The following IFT140 variants were observed in gnomAD, a reference collection of about 807,000 sequenced individuals.
IFT140 encodes intraflagellar transport protein 140 homolog.
A neutral mutation model predicts 164.6 loss-of-function variants in IFT140; 133 were observed. That is an observed-to-expected ratio of 0.81 (90% confidence interval 0.70 to 0.93). IFT140 has a LOEUF of 0.93. Ranked by LOEUF, IFT140 falls within the 40% of genes least tolerant of loss-of-function variation. IFT140 has a pLI of 0.00. For missense variants in IFT140, 2,045 were observed against 1,972.3 expected (o/e 1.04, Z -0.70); for synonymous variants, 860 against 817.3 (o/e 1.05, Z -0.89).
At chr16:1,563,628 C>T (rs1315730118) in intron 17 of IFT140, among the ~76,000 whole-genome samples, 1 of 152,014 alleles carries the variant, frequency 6.6e-6, no homozygotes, top group African/African-American at 2.4e-5. Flanking sequence ...TTCTGCATAG[C>T]TCAAAACAGA....
At chr16:1,541,079 C>T (rs1322645275) in intron 19 of IFT140, 4 of 985,318 alleles carry the variant, frequency 4.1e-6, no homozygotes, top group African/African-American at 3.5e-5. Context: ...AACGCACCTC[C>T]CTCTGAAGTT....
rs114611454 is a variant in IFT140, at chr16:1,520,286, C to T, written c.3718G>A (p.Val1240Met). 63 of 1,614,224 alleles carry T rather than the reference C, an allele frequency of 3.9e-5. No homozygotes were observed. The African/African-American group carries it at 5.1e-4, about 13-fold the overall frequency. ...DTEKITFFAS[V>M]SRQKEIYIMA... Reference sequence around the variant, plus strand: ...ATGTAGATTTCCTTCTGCCTGGACACGCTCGCGAAGAACGTGATTTTCTCC... The same window carrying T: ...ATGTAGATTTCCTTCTGCCTGGACATGCTCGCGAAGAACGTGATTTTCTCC... The change falls in exon 28 of 31, where the codon GTG (valine) becomes ATG (methionine). Residue 1240 changes from valine (V) to methionine (M), a missense_variant. Physicochemically the swap from Val to Met is conservative, Grantham distance 21 (BLOSUM62 1). Coordinates refer to ENST00000426508, the MANE Select transcript of IFT140 (RefSeq NM_014714.4).
chr16:1,534,285 C>T, intron 19 of IFT140: 1 of 1,612,086 alleles, frequency 6.2e-7, no homozygotes, highest in Non-Finnish European at 8.5e-7. Context: ...GATGACCGTG[C>T]AGAGACTCGT....
In IFT140 at chr16:1,520,132, T is replaced by C. The variant is rs1430793082; in HGVS notation, c.3872A>G (p.Gln1291Arg). ...TGGCATGCCAGGGAGGGCCTGCACCTGGGCACAAGCGTCATAAAAGCCAGC... is the reference window on the plus strand; with the variant it reads ...TGGCATGCCAGGGAGGGCCTGCACCCGGGCACAAGCGTCATAAAAGCCAGC... Reference protein sequence around the residue: ...LLAGFYDACAQVEIDEYQNYD... With the variant: ...LLAGFYDACARVEIDEYQNYD... The change falls in exon 28 of 31, where the codon CAG (glutamine) becomes CGG (arginine). Residue 1291 changes from glutamine to arginine, a missense_variant and splice_region_variant. By Grantham distance (43) the Gln-to-Arg change is conservative. Coordinates refer to ENST00000426508, the MANE Select transcript of IFT140 (RefSeq NM_014714.4). The C allele has an allele frequency of 6.2e-7, 1 of 1,613,864 alleles. No individual in the cohort carries two copies. Among genetic ancestry groups the C allele is most frequent in the Middle Eastern group, 1.7e-4 (1 of 6,058 alleles).
intron 19 of IFT140, among the ~76,000 whole-genome samples, chr16:1,552,564 C>T (rs2032740946): frequency 6.6e-6 from 1 of 152,132 alleles, no homozygotes; most frequent in Non-Finnish European, 1.5e-5. Flanking sequence ...GCATCGATAC[C>T]ACACAATCGT....
At chr16:1,565,700 A>C (rs2033674501) in intron 16 of IFT140, among the ~76,000 whole-genome samples, 1 of 152,230 alleles carries the variant, frequency 6.6e-6, no homozygotes, top group Non-Finnish European at 1.5e-5. Context: ...TCAGCCATGA[A>C]CTGTGAGTGA....
rs763602684 is a variant in IFT140 at position 1,511,176 on chromosome 16, C to G, written c.4183-26G>C. 12 of 1,577,818 alleles carry G rather than the reference C, an allele frequency of 7.6e-6. No homozygotes were observed. The East Asian group carries it at 2.5e-4, about 33-fold the overall frequency. On this transcript the variant is annotated intron_variant, in intron 30 of 30. Transcript: ENST00000426508. ...CTGGGGCAGAGGAGCAGACATTACT[C>G]AGCTTTCCTGAACAACCAGGCACGA...
chr16:1,582,170 C>T (rs892653757), intron 12 of IFT140, among the ~76,000 whole-genome samples: 2 of 152,114 alleles, frequency 1.3e-5, no homozygotes, highest in Admixed American at 6.5e-5. Context: ...GATGCCAGGT[C>T]CTGCTCCCTG....
chr16:1,528,314 C>G (rs893416625), intron 19 of IFT140, among the ~76,000 whole-genome samples: 1 of 133,262 alleles, frequency 7.5e-6, no homozygotes, highest in Non-Finnish European at 1.6e-5. Flanking sequence ...CACACACACA[C>G]GCACGCATGC....
At chr16:1,528,429 A>C (rs1360431664) in intron 19 of IFT140, among the ~76,000 whole-genome samples, 1 of 111,796 alleles carries the variant, frequency 8.9e-6, no homozygotes, top group East Asian at 2.8e-4. Flanking sequence ...ATGCACACAC[A>C]GATGCACACA....
intron 15 of IFT140, among the ~76,000 whole-genome samples, chr16:1,566,676 G>T (rs183844173): frequency 1.3e-5 from 2 of 152,082 alleles, no homozygotes; most frequent in East Asian, 3.9e-4. Flanking sequence ...CTTCTGCCAT[G>T]GTCAAGTAGG....
At chr16:1,519,849 C>G (rs752465809) in intron 29 of IFT140, 32 bp downstream of exon 29, 1 of 1,513,114 alleles carries the variant, frequency 6.6e-7, no homozygotes, top group Non-Finnish European at 8.8e-7. Context: ...CACATCTGCC[C>G]TGGCCTGTCC....
chr16:1,554,980 G>C, intron 19 of IFT140: 1 of 1,613,724 alleles, frequency 6.2e-7, no homozygotes, highest in Non-Finnish European at 8.5e-7. Context: ...CTGACAGCGC[G>C]CTTTCGCCGT....
Position 1,607,011 on chromosome 16 carries a change from C to T in IFT140, c.147+109G>A, listed in dbSNP as rs7192480. 233,540 of 1,077,196 alleles carry T rather than the reference C, an allele frequency of 0.22. 27,643 individuals carry two copies. Among genetic ancestry groups the T allele is most frequent in the East Asian group, 0.39 (16,235 of 42,140 alleles). 66.7% of individuals were successfully genotyped at this position (1,077,196 alleles called of 1,614,324 possible). A position where few individuals can be genotyped will look rare whatever the true frequency, so the allele number is the denominator to read the frequency against. On this transcript the variant is annotated intron_variant, in intron 3 of 30. Coordinates refer to ENST00000426508, the MANE Select transcript of IFT140 (RefSeq NM_014714.4). ...ACACACAGATGCATGTATACACACACACACCCATAGGCACACACACACATG... is the reference window on the plus strand; with the variant it reads ...ACACACAGATGCATGTATACACACATACACCCATAGGCACACACACACATG...
At chr16:1,565,427 G>T (rs1036292972) in intron 16 of IFT140, among the ~76,000 whole-genome samples, 1 of 152,076 alleles carries the variant, frequency 6.6e-6, no homozygotes, top group Non-Finnish European at 1.5e-5. Flanking sequence ...ATCTGAGGCG[G>T]AAGGTGTGTG....
chr16:1,534,034 G>A lies in IFT140; in HGVS notation c.2400-7238C>T, dbSNP rs2030791010. On this transcript the variant is annotated intron_variant, in intron 19 of 30. Coordinates refer to ENST00000426508, the MANE Select transcript of IFT140 (RefSeq NM_014714.4). ...GCTGCTGCCCACCCTCTGCTCCCTG[G>A]GATGGGCCCCGAGGCGAGCAGCTTC... 23 of 532,420 alleles carry A rather than the reference G, an allele frequency of 4.3e-5. No homozygotes were observed. The South Asian group carries it at 5.7e-4, about 13-fold the overall frequency. The allele number at this position is 532,420 out of a possible 1,614,324, so 33.0% of individuals were successfully genotyped here.
At chr16:1,584,679 G>C (rs2034775291) in intron 10 of IFT140, among the ~76,000 whole-genome samples, 1 of 152,150 alleles carries the variant, frequency 6.6e-6, no homozygotes, top group Non-Finnish European at 1.5e-5. Flanking sequence ...TGTTCTGATG[G>C]GAAGAGCGTT....
At chr16:1,527,926 G>A (rs1459067230) in intron 19 of IFT140, among the ~76,000 whole-genome samples, 1 of 152,224 alleles carries the variant, frequency 6.6e-6, no homozygotes, top group East Asian at 1.9e-4. Flanking sequence ...GCTGATCCAG[G>A]CAGGACCAGA....
Position 1,568,245 on chromosome 16 carries a change from C to T in IFT140, c.1742G>A (p.Gly581Glu), listed in dbSNP as rs1379211761. 6.2e-7 allele frequency: 1 copy of T among 1,609,292 alleles called. No homozygotes were observed. Among genetic ancestry groups the T allele is most frequent in the Non-Finnish European group, 8.5e-7 (1 of 1,178,294 alleles). The change falls in exon 15 of 31, where the codon GGG becomes GAG. Residue 581 changes from glycine (G) to glutamate (E), a missense_variant. Gly to Glu is a moderately conservative substitution (Grantham distance 98). Transcript: ENST00000426508. ...GIASLRCSSS[G>E]STISILPSKA... is the part of the protein sequence containing the mutation. Reference sequence around the variant, plus strand: ...GCTGGGGAGGATGCTGATGGTGCTCCCGCTGCTGCTGCACCGCAGAGAAGC... The same window carrying T: ...GCTGGGGAGGATGCTGATGGTGCTCTCGCTGCTGCTGCACCGCAGAGAAGC...
Sources: gnomAD v4.1 joint callset for allele counts (sites outside exome capture counted in the v4.1 genomes callset) on GRCh38, gnomAD v4.1.1 for gene constraint, MANE v1.5 for transcripts, NCBI Gene and HGNC (gene_info 2026-07-23, HGNC 2026-07-21) for gene names.